The following DNAJC13 variants were observed in gnomAD, a reference collection of about 807,000 sequenced individuals.
DNAJC13 encodes dnaJ homolog subfamily C member 13.
DNAJC13 carries 75 observed loss-of-function variants against 290.5 expected under a neutral mutation model. That is an observed-to-expected ratio of 0.26 (90% CI 0.21 to 0.31). The LOEUF is 0.31. Ranked by LOEUF, DNAJC13 falls within the 10% of genes least tolerant of loss-of-function variation. The probability of loss-of-function intolerance (pLI) is 1.00; values close to 1 mark genes in which losing one functional copy is unlikely to be tolerated. For missense variants in DNAJC13, 2,260 were observed against 2,674.5 expected (o/e 0.85, Z 3.42); for synonymous variants, 862 against 892.0 (o/e 0.97, Z 0.60).
intron 1 of DNAJC13, among the ~76,000 whole-genome samples, chr3:132,423,839 T>C (rs1939023925): frequency 6.6e-6 from 1 of 152,206 alleles, no homozygotes; most frequent in African/African-American, 2.4e-5. Flanking sequence ...TTAGGAAATT[T>C]AGTCCCGCAT....
At chr3:132,535,536 G>T (rs1936564287) in intron 55 of DNAJC13, among the ~76,000 whole-genome samples, 2 of 152,170 alleles carry the variant, frequency 1.3e-5, no homozygotes, top group African/African-American at 2.4e-5. Context: ...AATAATTTCA[G>T]CAGTGAAAAT....
At chr3:132,529,786 CAAAA>C (rs11402210) in intron 54 of DNAJC13, among the ~76,000 whole-genome samples, 3 of 92,844 alleles carry the variant, frequency 3.2e-5, no homozygotes, top group Non-Finnish European at 4.6e-5. Context: ...GACTCTGTCT[CAAAA>C]AAAAAAAAAA....
At chr3:132,470,739 G>A (rs1195762226) in intron 20 of DNAJC13, among the ~76,000 whole-genome samples, 1 of 113,200 alleles carries the variant, frequency 8.8e-6, no homozygotes, top group Non-Finnish European at 1.9e-5. Flanking sequence ...AGTAGGGGCG[G>A]CCGGGCAGAG....
At chr3:132,495,970 A>G (rs1935222115) in intron 35 of DNAJC13, among the ~76,000 whole-genome samples, 1 of 152,186 alleles carries the variant, frequency 6.6e-6, no homozygotes, top group African/African-American at 2.4e-5. Context: ...ATAGTAAAAC[A>G]ATATGATACT....
intron 2 of DNAJC13, among the ~76,000 whole-genome samples, chr3:132,442,121 C>T (rs560623801): frequency 7.1e-6 from 1 of 141,782 alleles, no homozygotes; most frequent in African/African-American, 2.6e-5. Context: ...CTATAAAATG[C>T]CATATGTTAA....
rs556159404 is a variant in DNAJC13 at position 132,517,263 on chromosome 3, C to A, written c.5673+447C>A. Among the ~76,000 whole-genome samples the A allele has an allele frequency of 3.8e-4, 58 of 152,326 alleles. 1 individual carries two copies. Among genetic ancestry groups the A allele is most frequent in the Middle Eastern group, 3.4e-3 (1 of 294 alleles). On this transcript the variant is annotated intron_variant, in intron 48 of 55. Transcript: ENST00000260818. Reference sequence around the variant, plus strand: ...TAGGGGCATGAGTGTAACAACACTTCTGGCTTCCAACTCTGCAGGGAGATC... The same window carrying A: ...TAGGGGCATGAGTGTAACAACACTTATGGCTTCCAACTCTGCAGGGAGATC...
chr3:132,418,837 GA>G (rs1343183233), intron 1 of DNAJC13, among the ~76,000 whole-genome samples: 1 of 152,142 alleles, frequency 6.6e-6, no homozygotes, highest in Non-Finnish European at 1.5e-5. Flanking sequence ...TGCCTGCAGG[GA>G]AAATTACAGT....
rs73860739 is a variant in DNAJC13, at chr3:132,462,808, T to C, written c.1770+285T>C. Among the ~76,000 whole-genome samples, 2,257 of 152,318 alleles carry C rather than the reference T, an allele frequency of 0.015. 44 individuals are homozygous for C. The highest frequency in any genetic ancestry group is 0.051 in the African/African-American group (2,119 of 41,574). ...AGTTAGCATTCTATCTGTTGCTCTT[T>C]TTTGGAAGGATAATGTTGACAGTGT... On this transcript the variant is annotated intron_variant, in intron 16 of 55. Coordinates refer to ENST00000260818, the MANE Select transcript of DNAJC13 (RefSeq NM_015268.4).
intron 20 of DNAJC13, among the ~76,000 whole-genome samples, chr3:132,467,872 C>T (rs1462910821): frequency 6.6e-6 from 1 of 152,132 alleles, no homozygotes; most frequent in East Asian, 1.9e-4. Context: ...TAGAATTCCA[C>T]TCTTAATTTT....
intron 31 of DNAJC13, 70 bp downstream of exon 31, chr3:132,489,091 C>A: frequency 1.6e-6 from 2 of 1,271,392 alleles, no homozygotes; most frequent in Non-Finnish European, 2.3e-6. Context: ...GTTTCCTGAG[C>A]TGTGTATTAT....
intron 40 of DNAJC13, among the ~76,000 whole-genome samples, chr3:132,502,864 T>C (rs1411541909): frequency 2.0e-5 from 3 of 152,214 alleles, no homozygotes; most frequent in Admixed American, 6.5e-5. Flanking sequence ...TTCTATGTGC[T>C]CTCATTTATT....
chr3:132,436,226 C>T (rs889349971), intron 2 of DNAJC13, among the ~76,000 whole-genome samples: 3 of 152,136 alleles, frequency 2.0e-5, no homozygotes, highest in African/African-American at 7.2e-5. Context: ...CTCCCTTTTT[C>T]CCCCTCTTTT....
intron 2 of DNAJC13, among the ~76,000 whole-genome samples, chr3:132,440,640 A>G (rs1933033982): frequency 6.6e-6 from 1 of 152,226 alleles, no homozygotes; most frequent in African/African-American, 2.4e-5. Context: ...CTTGTAGCCT[A>G]GGAGTGTAGT....
chr3:132,433,146 T>G (rs1199683370), intron 1 of DNAJC13, among the ~76,000 whole-genome samples: 1 of 152,248 alleles, frequency 6.6e-6, no homozygotes, highest in Non-Finnish European at 1.5e-5. Flanking sequence ...CTAAAATGAT[T>G]ATCTTCAGAT....
At chr3:132,518,065 A>T (rs963154167) in intron 48 of DNAJC13, among the ~76,000 whole-genome samples, 6 of 151,432 alleles carry the variant, frequency 4.0e-5, no homozygotes, top group Admixed American at 1.3e-4. Flanking sequence ...AATTTTTTTT[A>T]TTTATTATTA....
chr3:132,461,341 AAAG>A (rs1933788422), intron 15 of DNAJC13, 136 bp downstream of exon 15: 1 of 866,098 alleles, frequency 1.2e-6, no homozygotes, highest in East Asian at 2.5e-5. Flanking sequence ...GGCCACACTG[AAAG>A]AAGAGTTGTC....
chr3:132,431,081 CA>C (rs1939227155), intron 1 of DNAJC13, among the ~76,000 whole-genome samples: 1 of 152,196 alleles, frequency 6.6e-6, no homozygotes, highest in Non-Finnish European at 1.5e-5. Flanking sequence ...GAAGGTTTGA[CA>C]AAACCCTATT....
intron 9 of DNAJC13, among the ~76,000 whole-genome samples, chr3:132,455,336 A>T (rs1352341842): frequency 3.3e-5 from 5 of 152,256 alleles, no homozygotes; most frequent in Non-Finnish European, 5.9e-5. Flanking sequence ...AAAGACTGCC[A>T]GTGGCAGGTG....
At chr3:132,459,157 T>G (rs530369536) in intron 13 of DNAJC13, among the ~76,000 whole-genome samples, 35 of 152,342 alleles carry the variant, frequency 2.3e-4, no homozygotes, top group African/African-American at 8.2e-4. Flanking sequence ...TTCAAGGTCA[T>G]GTAGCTAGTA....
Sources: gnomAD v4.1 joint callset for allele counts (sites outside exome capture counted in the v4.1 genomes callset) on GRCh38, gnomAD v4.1.1 for gene constraint, MANE v1.5 for transcripts, NCBI Gene and HGNC (gene_info 2026-07-23, HGNC 2026-07-21) for gene names.